MSANTD3: variants seen among roughly 807,000 people sequenced by gnomAD.
The protein encoded by MSANTD3 is Myb/SANT DNA binding domain containing 3.
In MSANTD3, 11 loss-of-function variants were observed where a neutral mutation model predicts 27.7. That is an observed-to-expected ratio of 0.40 (90% CI 0.25 to 0.66). The LOEUF (loss-of-function observed/expected upper bound fraction) is 0.66, where lower values mean the gene tolerates loss of function less well. Ranked by LOEUF, MSANTD3 falls within the 30% of genes least tolerant of loss-of-function variation. The probability of loss-of-function intolerance (pLI) is 0.41; values close to 1 mark genes in which losing one functional copy is unlikely to be tolerated. For synonymous variants in MSANTD3, 131 were observed against 127.2 expected, an observed-to-expected ratio of 1.03 and a Z score of -0.20; for missense variants, 250 against 336.5, an observed-to-expected ratio of 0.74 and a Z score of 2.01.
Position 100,427,157 on chromosome 9 carries a change from C to T in MSANTD3, c.-270C>T, listed in dbSNP as rs994776194. 1 of 147,902 alleles carries T rather than the reference C, an allele frequency of 6.8e-6. No homozygotes were observed. The highest frequency in any genetic ancestry group is 1.5e-5 in the Non-Finnish European group (1 of 66,560). 9.2% of individuals were successfully genotyped at this position (147,902 alleles called of 1,614,324 possible). On this transcript the variant is annotated 5_prime_UTR_variant, in exon 1 of 3. It adds an upstream start codon to the 5' untranslated region. Coordinates refer to ENST00000395067, the MANE Select transcript of MSANTD3 (RefSeq NM_080655.3). ...CTCCCGCCCTCCTCGGCGGCGCCGACGGACCGGCAGGCGGCGGGCGGTCCG... is the reference window on the plus strand; with the variant it reads ...CTCCCGCCCTCCTCGGCGGCGCCGATGGACCGGCAGGCGGCGGGCGGTCCG...
At chr9:100,442,965 A>G (rs567084102) in intron 2 of MSANTD3, among the ~76,000 whole-genome samples, 2 of 152,286 alleles carry the variant, frequency 1.3e-5, no homozygotes, top group African/African-American at 4.8e-5. Context: ...GCAGTTGCCT[A>G]TCAGCCTGTC....
At chr9:100,428,340 G>A (rs896881307) in intron 1 of MSANTD3, among the ~76,000 whole-genome samples, 1 of 152,114 alleles carries the variant, frequency 6.6e-6, no homozygotes, top group Non-Finnish European at 1.5e-5. Flanking sequence ...CTTTCAGCAT[G>A]TCAGAGCAGA....
rs530788073 is a variant in MSANTD3, at chr9:100,442,542, C to T, written c.418+186C>T. On this transcript the variant is annotated intron_variant, in intron 2 of 2. Transcript: ENST00000395067. Reference sequence around the variant, plus strand: ...TCTTATAGAAGTGGGCGTGGTGGCTCGTGCCTGTAATCCCAGCACTTTGGG... The same window carrying T: ...TCTTATAGAAGTGGGCGTGGTGGCTTGTGCCTGTAATCCCAGCACTTTGGG... Among the ~76,000 whole-genome samples the T allele has an allele frequency of 7.2e-5, 11 of 152,196 alleles. No individual in the cohort carries two copies. The South Asian group carries it at 2.1e-3, about 29-fold the overall frequency.
At chr9:100,445,155 AT>A in intron 2 of MSANTD3, 1 of 1,565,576 alleles carries the variant, frequency 6.4e-7, no homozygotes, top group Non-Finnish European at 8.8e-7. Context: ...CATTTCACTC[AT>A]TTTGCATTTC....
intron 2 of MSANTD3, among the ~76,000 whole-genome samples, chr9:100,447,602 G>C (rs1208188573): frequency 1.3e-5 from 2 of 152,202 alleles, no homozygotes. Context: ...GATCAGCTGA[G>C]CAAGTGGAAG....
chr9:100,436,076 C>T (rs1262482961), intron 1 of MSANTD3, among the ~76,000 whole-genome samples: 1 of 152,160 alleles, frequency 6.6e-6, no homozygotes, highest in Non-Finnish European at 1.5e-5. Flanking sequence ...CTTTGCCTAG[C>T]CCAAGGGGAA....
chr9:100,440,640 G>C (rs1286648879), intron 1 of MSANTD3, among the ~76,000 whole-genome samples: 1 of 149,926 alleles, frequency 6.7e-6, no homozygotes, highest in African/African-American at 2.5e-5. Context: ...ATCCAGGCTG[G>C]AGTGCGGTGG....
At position 100,448,367 on chromosome 9, in the gene MSANTD3, T is replaced by G. The variant is rs1836807914; in HGVS notation, c.419-2190T>G. 1.6e-5 allele frequency: 16 copies of G among 985,200 alleles called. No homozygotes were observed. The South Asian group carries it at 5.6e-4, about 35-fold the overall frequency. 61.0% of individuals were successfully genotyped at this position (985,200 alleles called of 1,614,324 possible). On this transcript the variant is annotated intron_variant, in intron 2 of 2. Coordinates refer to ENST00000395067, the MANE Select transcript of MSANTD3 (RefSeq NM_080655.3). ...CACAAAATGTCTAATGTGTCCAGTC[T>G]TCAAAGAAGACATTTTCAGATCCAA...
intron 1 of MSANTD3, among the ~76,000 whole-genome samples, chr9:100,434,772 T>C (rs1371582773): frequency 6.6e-6 from 1 of 152,194 alleles, no homozygotes; most frequent in Non-Finnish European, 1.5e-5. Context: ...CTGGTGTCTG[T>C]TTCAGCGTGC....
At chr9:100,448,605 T>C in intron 2 of MSANTD3, 2 of 985,416 alleles carry the variant, frequency 2.0e-6, no homozygotes, top group Non-Finnish European at 2.4e-6. Flanking sequence ...TGCCCAGCAC[T>C]ATACCAGGCC....
chr9:100,438,395 A>G (rs188598552), intron 1 of MSANTD3, among the ~76,000 whole-genome samples: 1 of 152,274 alleles, frequency 6.6e-6, no homozygotes, highest in Admixed American at 6.5e-5. Flanking sequence ...TATCTTGAAG[A>G]ACTAAAATAG....
intron 1 of MSANTD3, among the ~76,000 whole-genome samples, chr9:100,437,876 G>T (rs984366201): frequency 3.3e-5 from 5 of 152,106 alleles, no homozygotes; most frequent in Non-Finnish European, 7.4e-5. Flanking sequence ...GGCTATTTTT[G>T]GGAGGGTTAA....
At chr9:100,445,561 T>A (rs1212633698) in intron 2 of MSANTD3, among the ~76,000 whole-genome samples, 2 of 152,240 alleles carry the variant, frequency 1.3e-5, no homozygotes, top group Non-Finnish European at 2.9e-5. Context: ...CACCTTTTTT[T>A]ATTTTTCTAA....
In MSANTD3 at chr9:100,450,989, T is replaced by C. The variant is rs371710495; in HGVS notation, c.*23T>C. ...TAAGACTTTGGGGGTGGCTCTCTTG[T>C]AATTAATCTGTGTTGGCAAAGAATG... On this transcript the variant is annotated 3_prime_UTR_variant, in exon 3 of 3. Coordinates refer to ENST00000395067, the MANE Select transcript of MSANTD3 (RefSeq NM_080655.3). 1.7e-5 allele frequency: 26 copies of C among 1,544,874 alleles called. No individual in the cohort carries two copies. In the East Asian group the frequency reaches 4.3e-4, roughly 25 times the overall value.
chr9:100,430,863 T>TG (rs1836360741), intron 1 of MSANTD3, among the ~76,000 whole-genome samples: 1 of 152,152 alleles, frequency 6.6e-6, no homozygotes, highest in Admixed American at 6.5e-5. Context: ...TATGGAGAGT[T>TG]GGAGTTTTCT....
intron 1 of MSANTD3, among the ~76,000 whole-genome samples, chr9:100,439,162 T>G (rs2118211256): frequency 6.6e-6 from 1 of 152,262 alleles, no homozygotes; most frequent in East Asian, 1.9e-4. Flanking sequence ...CGTGATCAGG[T>G]TCTGTCACCC....
chr9:100,427,620 G>A (rs1836275132), intron 1 of MSANTD3: 1 of 152,178 alleles, frequency 6.6e-6, no homozygotes, highest in Admixed American at 6.5e-5. Flanking sequence ...GCGGGCCTCT[G>A]GGGTACTCAG....
chr9:100,439,205 T>A (rs1181117288), intron 1 of MSANTD3, among the ~76,000 whole-genome samples: 1 of 152,192 alleles, frequency 6.6e-6, no homozygotes, highest in African/African-American at 2.4e-5. Flanking sequence ...GGCGTCAATT[T>A]GAAGGGTCTC....
At chr9:100,430,204 G>A (rs1403331962) in intron 1 of MSANTD3, among the ~76,000 whole-genome samples, 1 of 151,618 alleles carries the variant, frequency 6.6e-6, no homozygotes, top group Non-Finnish European at 1.5e-5. Context: ...AACAGACTGG[G>A]TATTAATTGA....
Sources: gnomAD v4.1 joint callset for allele counts (sites outside exome capture counted in the v4.1 genomes callset) on GRCh38, gnomAD v4.1.1 for gene constraint, MANE v1.5 for transcripts, NCBI Gene and HGNC (gene_info 2026-07-23, HGNC 2026-07-21) for gene names.